GABPB1: variants seen among roughly 807,000 people sequenced by gnomAD.
GABPB1 encodes GA binding protein transcription factor subunit beta 1, also known as GA-binding protein subunit beta-1.
In GABPB1, 15 loss-of-function variants were observed where a neutral mutation model predicts 45.9. The ratio of observed to expected loss-of-function variants is 0.33; its 90% CI spans 0.22 to 0.50. The LOEUF (loss-of-function observed/expected upper bound fraction) is 0.50, where lower values mean the gene tolerates loss of function less well. GABPB1 is among the 20% of genes least tolerant of loss of function. GABPB1 has a pLI of 0.98. For missense variants in GABPB1, 252 were observed against 457.5 expected (o/e 0.55, Z 4.10); for synonymous variants, 143 against 154.4 (o/e 0.93, Z 0.55).
intron 1 of GABPB1, among the ~76,000 whole-genome samples, chr15:50,334,741 T>C (rs2048062349): frequency 6.6e-6 from 1 of 152,038 alleles, no homozygotes; most frequent in South Asian, 2.1e-4. Context: ...AACTCCTGAG[T>C]CAGTTTTTAT....
At chr15:50,299,977 T>G (rs569736581) in intron 6 of GABPB1, among the ~76,000 whole-genome samples, 2 of 152,000 alleles carry the variant, frequency 1.3e-5, no homozygotes, top group South Asian at 4.2e-4. Flanking sequence ...CCACCACACC[T>G]GACTAATTTT....
chr15:50,349,563 T>C lies in GABPB1; in HGVS notation c.-1+5422A>G, dbSNP rs569489022. On this transcript the variant is annotated intron_variant, in intron 1 of 8. Coordinates refer to ENST00000380877, the MANE Select transcript of GABPB1 (RefSeq NM_016654.5). Reference sequence around the variant, plus strand: ...GACACTGGGATGAATATTTAAAATATTACACATAAGAGTAACAACACACAA... The same window carrying C: ...GACACTGGGATGAATATTTAAAATACTACACATAAGAGTAACAACACACAA... 4.6e-5 allele frequency: 7 copies of C among 152,280 alleles called. No homozygotes were observed. In the East Asian group the frequency reaches 1.3e-3, roughly 29 times the overall value. 9.4% of individuals were successfully genotyped at this position (152,280 alleles called of 1,614,324 possible). A position where few individuals can be genotyped will look rare whatever the true frequency, so the allele number is the denominator to read the frequency against.
intron 6 of GABPB1, among the ~76,000 whole-genome samples, chr15:50,293,845 A>G (rs764701114): frequency 6.6e-6 from 1 of 152,208 alleles, no homozygotes; most frequent in African/African-American, 2.4e-5. Flanking sequence ...AATTAAAAGG[A>G]AACAAATTAC....
At chr15:50,338,115 C>G (rs1453575953) in intron 1 of GABPB1, among the ~76,000 whole-genome samples, 1 of 152,236 alleles carries the variant, frequency 6.6e-6, no homozygotes. Context: ...TCTTGGCTCA[C>G]TGCAACCTCT....
chr15:50,341,858 A>G (rs988771235), intron 1 of GABPB1, among the ~76,000 whole-genome samples: 4 of 152,170 alleles, frequency 2.6e-5, no homozygotes, highest in Admixed American at 2.6e-4. Flanking sequence ...GCAACTTCCT[A>G]CAAGTTAATT....
intron 1 of GABPB1, among the ~76,000 whole-genome samples, chr15:50,316,229 T>A (rs2047322029): frequency 6.6e-6 from 1 of 152,226 alleles, no homozygotes; most frequent in Admixed American, 6.5e-5. Flanking sequence ...TTGCTCAAAG[T>A]ACATGCCAAG....
intron 6 of GABPB1, among the ~76,000 whole-genome samples, chr15:50,291,761 T>C (rs181041768): frequency 2.0e-5 from 3 of 151,646 alleles, no homozygotes; most frequent in Non-Finnish European, 4.4e-5. Context: ...CTACAAAAAA[T>C]TTAAAAATTA....
intron 1 of GABPB1, among the ~76,000 whole-genome samples, chr15:50,336,517 T>TA (rs1375774452): frequency 1.3e-5 from 2 of 151,776 alleles, no homozygotes; most frequent in East Asian, 3.9e-4. Flanking sequence ...CAAAAAAATT[T>TA]AAAAAAATTT....
chr15:50,325,253 C>T (rs374480634), intron 1 of GABPB1, among the ~76,000 whole-genome samples: 4 of 140,030 alleles, frequency 2.9e-5, no homozygotes, highest in Admixed American at 7.3e-5. Context: ...TCAGTAACTA[C>T]AAACTGGACA....
chr15:50,327,566 A>G (rs924545158), intron 1 of GABPB1, among the ~76,000 whole-genome samples: 1 of 152,200 alleles, frequency 6.6e-6, no homozygotes, highest in African/African-American at 2.4e-5. Context: ...AATCCCCACC[A>G]ATACAATCAT....
intron 1 of GABPB1, among the ~76,000 whole-genome samples, chr15:50,331,581 T>C (rs1408279076): frequency 6.6e-6 from 1 of 152,208 alleles, no homozygotes; most frequent in Non-Finnish European, 1.5e-5. Flanking sequence ...GTGAATTTTA[T>C]TGAGATTACT....
At chr15:50,280,866 T>C (rs972206125) in intron 8 of GABPB1, among the ~76,000 whole-genome samples, 1 of 152,174 alleles carries the variant, frequency 6.6e-6, no homozygotes, top group East Asian at 1.9e-4. Context: ...GCAGGAAATA[T>C]TGGAAGAGGT....
intron 1 of GABPB1, among the ~76,000 whole-genome samples, chr15:50,339,032 G>A (rs1350674581): frequency 6.6e-6 from 1 of 152,118 alleles, no homozygotes; most frequent in East Asian, 1.9e-4. Context: ...GCTGGTTGTG[G>A]TGTTTCCCAC....
intron 1 of GABPB1, among the ~76,000 whole-genome samples, chr15:50,347,144 C>A (rs917144827): frequency 1.2e-4 from 18 of 152,048 alleles, no homozygotes; most frequent in African/African-American, 4.1e-4. Context: ...CCCACCTGAG[C>A]TAATCACCTC....
chr15:50,290,394 T>C (rs1374536734), intron 6 of GABPB1, among the ~76,000 whole-genome samples: 1 of 152,032 alleles, frequency 6.6e-6, no homozygotes, highest in Non-Finnish European at 1.5e-5. Flanking sequence ...AGTTCGGGAC[T>C]AGCCTGGCCA....
chr15:50,324,838 C>T (rs145469270), intron 1 of GABPB1, among the ~76,000 whole-genome samples: 7 of 152,120 alleles, frequency 4.6e-5, no homozygotes, highest in Non-Finnish European at 7.4e-5. Context: ...TGAGCCACCC[C>T]GCCTGGCCTC....
intron 6 of GABPB1, among the ~76,000 whole-genome samples, chr15:50,292,895 T>C (rs1384881232): frequency 6.6e-6 from 1 of 151,456 alleles, no homozygotes; most frequent in Non-Finnish European, 1.5e-5. Flanking sequence ...TCAGAGAACA[T>C]ATGGGCATGC....
intron 1 of GABPB1, among the ~76,000 whole-genome samples, chr15:50,316,001 T>C (rs983528980): frequency 1.3e-5 from 2 of 152,192 alleles, no homozygotes; most frequent in African/African-American, 2.4e-5. Flanking sequence ...AGGCAGAGGC[T>C]GTAGTGAGCC....
At chr15:50,326,382 G>A (rs1452739129) in intron 1 of GABPB1, among the ~76,000 whole-genome samples, 1 of 151,694 alleles carries the variant, frequency 6.6e-6, no homozygotes, top group Non-Finnish European at 1.5e-5. Flanking sequence ...CAAGAGCCAG[G>A]TATGGTGGCT....
Sources: allele counts gnomAD v4.1 joint callset (sites outside exome capture counted in the v4.1 genomes callset), GRCh38; gene constraint gnomAD v4.1.1; transcripts MANE v1.5; gene names NCBI Gene and HGNC (gene_info 2026-07-23, HGNC 2026-07-21).